Variants in SMYD3 observed in about 807,000 individuals in gnomAD.
The protein encoded by SMYD3 is SET and MYND domain containing 3.
A neutral mutation model predicts 57.7 loss-of-function variants in SMYD3; 36 were observed. The ratio of observed to expected loss-of-function variants is 0.62; its 90% CI spans 0.48 to 0.82. The LOEUF is 0.82. Among genes scored for constraint, SMYD3 ranks in the 40% least tolerant of loss-of-function variants. The pLI is 0.00. For synonymous variants in SMYD3, 211 were observed against 195.0 expected (o/e 1.08, Z -0.68); for missense variants, 515 against 538.8 (o/e 0.96, Z 0.44).
At position 246,335,404 on chromosome 1, in the gene SMYD3, T is replaced by C. The variant is rs768165961; in HGVS notation, c.299A>G (p.Asp100Gly). The C allele has an allele frequency of 6.2e-7, 1 of 1,614,010 alleles. No homozygotes were observed. The highest frequency in any genetic ancestry group is 1.1e-5 in the South Asian group (1 of 91,070). Reference sequence around the variant, plus strand: ...AACTCTGCCAAGAAGTCGAACGGAGTCTGGAGGATATCTGGGTTTGCAGCT... The same window carrying C: ...AACTCTGCCAAGAAGTCGAACGGAGCCTGGAGGATATCTGGGTTTGCAGCT... ...LKSCKPRYPP[D>G]SVRLLGRVVF... The change falls in exon 3 of 12, where the codon GAC (aspartate) becomes GGC (glycine). Residue 100 changes from aspartate (D) to glycine (G), a missense_variant. Transcript: ENST00000490107.
chr1:246,337,631 A>G (rs1009901210), intron 2 of SMYD3, among the ~76,000 whole-genome samples: 2 of 152,190 alleles, frequency 1.3e-5, no homozygotes, highest in African/African-American at 4.8e-5. Context: ...GGTCTATCAG[A>G]AAGTACCTTA....
chr1:246,076,630 C>T (rs975166356), intron 5 of SMYD3, among the ~76,000 whole-genome samples: 10 of 151,564 alleles, frequency 6.6e-5, no homozygotes, highest in African/African-American at 2.4e-4. Flanking sequence ...CTTGCTCTTT[C>T]TGGCTCATTT....
chr1:246,097,656 C>T (rs761104825), intron 5 of SMYD3, among the ~76,000 whole-genome samples: 3 of 152,010 alleles, frequency 2.0e-5, no homozygotes, highest in East Asian at 1.9e-4. Flanking sequence ...GTACTTTCAC[C>T]GAGAGGGCTG....
chr1:245,778,827 T>TTC (rs1456951058), intron 10 of SMYD3, among the ~76,000 whole-genome samples: 1 of 112,524 alleles, frequency 8.9e-6, no homozygotes, highest in East Asian at 3.9e-4. Context: ...TGGAAAAATT[T>TTC]CATCAAAATT....
intron 5 of SMYD3, among the ~76,000 whole-genome samples, chr1:246,250,659 T>A (rs1028372674): frequency 2.6e-5 from 4 of 152,226 alleles, no homozygotes; most frequent in Admixed American, 1.3e-4. Flanking sequence ...GCTATATTCA[T>A]GTATTTAGAA....
intron 10 of SMYD3, among the ~76,000 whole-genome samples, chr1:245,837,028 G>A (rs535855297): frequency 2.0e-5 from 3 of 152,172 alleles, no homozygotes; most frequent in African/African-American, 7.2e-5. Context: ...CTAAGACACG[G>A]CATCGTCACT....
At chr1:245,939,714 C>T (rs549723672) in intron 5 of SMYD3, among the ~76,000 whole-genome samples, 4 of 152,302 alleles carry the variant, frequency 2.6e-5, no homozygotes, top group African/African-American at 4.8e-5. Context: ...ATCAACTTTT[C>T]TAGTCTCTTC....
At chr1:245,764,181 C>T in intron 10 of SMYD3, 32 bp from the exon 11 acceptor site, 1 of 1,446,564 alleles carries the variant, frequency 6.9e-7, no homozygotes, top group Non-Finnish European at 9.7e-7. Flanking sequence ...ACAGTGTCAG[C>T]AGCCCTCACC....
At chr1:246,248,092 G>C (rs555822678) in intron 5 of SMYD3, among the ~76,000 whole-genome samples, 1 of 152,270 alleles carries the variant, frequency 6.6e-6, no homozygotes, top group East Asian at 1.9e-4. Flanking sequence ...TATCTCTTTT[G>C]AAACTGTATT....
chr1:246,320,036 G>A (rs980488024), intron 5 of SMYD3, among the ~76,000 whole-genome samples: 1 of 152,046 alleles, frequency 6.6e-6, no homozygotes, highest in Admixed American at 6.5e-5. Flanking sequence ...ATAGTATCAC[G>A]ATTTTCTCTT....
At chr1:245,757,602 T>C (rs1320006682) in intron 11 of SMYD3, among the ~76,000 whole-genome samples, 5 of 152,166 alleles carry the variant, frequency 3.3e-5, no homozygotes, top group African/African-American at 1.2e-4. Flanking sequence ...AGTTACTTTA[T>C]ATGGTGTTAA....
chr1:246,156,784 G>T (rs1278183738), intron 5 of SMYD3, among the ~76,000 whole-genome samples: 1 of 152,182 alleles, frequency 6.6e-6, no homozygotes, highest in African/African-American at 2.4e-5. Context: ...TTTCCCTTAA[G>T]AGGTCATATT....
At chr1:246,138,314 G>A (rs1442154587) in intron 5 of SMYD3, among the ~76,000 whole-genome samples, 2 of 151,878 alleles carry the variant, frequency 1.3e-5, no homozygotes, top group Non-Finnish European at 2.9e-5. Context: ...ATAATACTAA[G>A]CTTCTAGGAT....
chr1:245,817,923 G>C (rs1428835442), intron 10 of SMYD3, among the ~76,000 whole-genome samples: 1 of 152,168 alleles, frequency 6.6e-6, no homozygotes, highest in Non-Finnish European at 1.5e-5. Context: ...ACGTCTGATT[G>C]GTGTACCTGA....
chr1:245,792,046 G>A (rs892205403), intron 10 of SMYD3, among the ~76,000 whole-genome samples: 1 of 150,026 alleles, frequency 6.7e-6, no homozygotes, highest in Non-Finnish European at 1.5e-5. Flanking sequence ...CCTCTTTCTG[G>A]GCTTACTCTC....
chr1:246,000,770 G>A (rs2059024896), intron 5 of SMYD3, among the ~76,000 whole-genome samples: 1 of 152,192 alleles, frequency 6.6e-6, no homozygotes, highest in African/African-American at 2.4e-5. Flanking sequence ...GATTCGCTGA[G>A]TTCACCTTGT....
intron 1 of SMYD3, among the ~76,000 whole-genome samples, chr1:246,454,251 T>A (rs1366527890): frequency 6.6e-6 from 1 of 152,036 alleles, no homozygotes; most frequent in Non-Finnish European, 1.5e-5. Flanking sequence ...AGCACCATAA[T>A]CAGTCAGTCA....
chr1:245,915,423 T>G (rs555677836), intron 8 of SMYD3, 107 bp downstream of exon 8: 1 of 664,406 alleles, frequency 1.5e-6, no homozygotes, highest in Non-Finnish European at 2.7e-6. Flanking sequence ...TTTCCTACCA[T>G]GTACTGAGGG....
intron 5 of SMYD3, among the ~76,000 whole-genome samples, chr1:246,139,645 A>G (rs1400814591): frequency 6.6e-6 from 1 of 152,250 alleles, no homozygotes; most frequent in African/African-American, 2.4e-5. Context: ...TTACACATGT[A>G]GAATTTTAAA....
Sources: gnomAD v4.1 joint callset for allele counts (sites outside exome capture counted in the v4.1 genomes callset) on GRCh38, gnomAD v4.1.1 for gene constraint, MANE v1.5 for transcripts, NCBI Gene and HGNC (gene_info 2026-07-23, HGNC 2026-07-21) for gene names.